The following ABCC12 variants were observed in gnomAD, a reference collection of about 807,000 sequenced individuals.
The protein encoded by ABCC12 is ATP binding cassette subfamily C member 12.
Under a neutral mutation model 151.1 loss-of-function variants are expected in ABCC12, and 142 were observed. The observed-to-expected ratio is 0.94, with a 90% confidence interval of 0.82 to 1.08. The LOEUF (loss-of-function observed/expected upper bound fraction) is 1.08. Among genes scored for constraint, ABCC12 ranks in the 50% least tolerant of loss-of-function variants. The pLI is 0.00. For synonymous variants in ABCC12, 645 were observed against 646.4 expected (o/e 1.00, Z 0.03); for missense variants, 1,638 against 1,691.1 (o/e 0.97, Z 0.55).
At chr16:48,140,614 G>T in intron 6 of ABCC12, 73 bp downstream of exon 6, 1 of 1,407,790 alleles carries the variant, frequency 7.1e-7, no homozygotes, top group Non-Finnish European at 9.9e-7. Flanking sequence ...CTCCACTCAG[G>T]ATCCACATCT....
rs778503725 is a variant in ABCC12 at position 48,086,825 on chromosome 16, A to G, written c.3636-6T>C. Reference sequence around the variant, plus strand: ...CAAAGGGATCCAAGTTGTACCTGCAATGAAGGAGAGGAGAGGACAGGGAGC... The same window carrying G: ...CAAAGGGATCCAAGTTGTACCTGCAGTGAAGGAGAGGAGAGGACAGGGAGC... On this transcript the variant is annotated splice_polypyrimidine_tract_variant and splice_region_variant and intron_variant, in intron 27 of 30. Transcript: ENST00000311303. The G allele has an allele frequency of 2.5e-5, 40 of 1,611,484 alleles. No individual in the cohort carries two copies. In the East Asian group the frequency reaches 5.6e-4, roughly 22 times the overall value.
chr16:48,099,148 C>A (rs763184994), intron 23 of ABCC12, among the ~76,000 whole-genome samples: 8 of 152,114 alleles, frequency 5.3e-5, no homozygotes, highest in Non-Finnish European at 8.8e-5. Context: ...AGGCTGGTTG[C>A]AGTGGCTCAC....
chr16:48,093,963 T>C (rs189201228), intron 24 of ABCC12, among the ~76,000 whole-genome samples: 1 of 152,310 alleles, frequency 6.6e-6, no homozygotes, highest in Admixed American at 6.5e-5. Flanking sequence ...TTCTGTGTTC[T>C]CCAAAGGGGG....
At chr16:48,088,237 G>T in intron 26 of ABCC12, 152 bp from the exon 27 acceptor site, 1 of 961,380 alleles carries the variant, frequency 1.0e-6, no homozygotes, top group Non-Finnish European at 1.5e-6. Flanking sequence ...GGGTGGGGGT[G>T]GAGGGATGGG....
At chr16:48,146,245 C>T in intron 3 of ABCC12, 61 bp downstream of exon 3, 1 of 1,504,204 alleles carries the variant, frequency 6.6e-7, no homozygotes, top group Middle Eastern at 1.7e-4. Context: ...TGCCCACTCT[C>T]CTGATGGACA....
chr16:48,138,245 A>G lies in ABCC12; in HGVS notation c.962T>C (p.Phe321Ser). ...TGTCCTACCTTGGATAGTGTTGGTA[A>G]AAGATTTCTCCCAGGCATACATTTT... Reference protein sequence around the residue: ...LIKMYAWEKSFTNTIQDIRRR... With the variant: ...LIKMYAWEKSSTNTIQDIRRR... Residue 321 changes from phenylalanine (F) to serine (S), a missense_variant, in exon 8 of 31, where the codon TTT becomes TCT. By Grantham distance (155) the Phe-to-Ser change is radical. Coordinates refer to ENST00000311303, the MANE Select transcript of ABCC12 (RefSeq NM_001393797.1). 1 of 1,610,068 alleles carries G rather than the reference A, an allele frequency of 6.2e-7. No individual in the cohort carries two copies. The highest frequency in any genetic ancestry group is 8.5e-7 in the Non-Finnish European group (1 of 1,176,774).
At chr16:48,146,256 T>C (rs1184028989) in intron 3 of ABCC12, 50 bp downstream of exon 3, 2 of 1,550,980 alleles carry the variant, frequency 1.3e-6, no homozygotes, top group African/African-American at 2.7e-5. Flanking sequence ...CTGATGGACA[T>C]TCCTGGAGGT....
chr16:48,133,925 CAG>C, intron 8 of ABCC12, 90 bp from the exon 9 acceptor site: 2 of 1,472,748 alleles, frequency 1.4e-6, no homozygotes, highest in Non-Finnish European at 1.9e-6. Context: ...GGTCCTCTTC[CAG>C]ATGGGCGCTC....
chr16:48,122,700 CA>C (rs1426734474), intron 12 of ABCC12, among the ~76,000 whole-genome samples: 1 of 152,118 alleles, frequency 6.6e-6, no homozygotes, highest in Non-Finnish European at 1.5e-5. Context: ...GTGCAATGGA[CA>C]GAGAATTCAA....
At chr16:48,133,605 G>A in intron 9 of ABCC12, 82 bp downstream of exon 9, 2 of 1,512,408 alleles carry the variant, frequency 1.3e-6, no homozygotes, top group Non-Finnish European at 1.8e-6. Context: ...TGCCAGTATT[G>A]AGCGACGGTA....
intron 2 of ABCC12, among the ~76,000 whole-genome samples, chr16:48,152,448 G>A (rs983584325): frequency 6.6e-6 from 1 of 152,184 alleles, no homozygotes; most frequent in Non-Finnish European, 1.5e-5. Context: ...GTCAAGCTGT[G>A]GTCCATGATC....
intron 22 of ABCC12, among the ~76,000 whole-genome samples, chr16:48,103,267 G>A (rs1290147285): frequency 6.6e-6 from 1 of 152,094 alleles, no homozygotes. Flanking sequence ...TTCAGGGTTT[G>A]TGGGCTAAAT....
At chr16:48,117,374 C>G in intron 13 of ABCC12, 41 bp from the exon 14 acceptor site, 1 of 1,603,684 alleles carries the variant, frequency 6.2e-7, no homozygotes, top group South Asian at 1.1e-5. Context: ...TGAGAAAGAC[C>G]CCAAGCACTG....
At chr16:48,107,199 G>A in intron 20 of ABCC12, 123 bp downstream of exon 20, 1 of 921,418 alleles carries the variant, frequency 1.1e-6, no homozygotes, top group South Asian at 1.5e-5. Context: ...CCCACTTCTT[G>A]AAAAGGGCAG....
At chr16:48,128,338 G>T (rs1964307069) in intron 11 of ABCC12, 121 bp downstream of exon 11, 1 of 1,412,788 alleles carries the variant, frequency 7.1e-7, no homozygotes, top group South Asian at 1.4e-5. Flanking sequence ...CAGGGACTCT[G>T]GTTAGAGACA....
intron 23 of ABCC12, 136 bp downstream of exon 23, chr16:48,100,736 G>C: frequency 9.2e-7 from 1 of 1,089,642 alleles, no homozygotes. Context: ...GTGTCTTCAA[G>C]GACTCCTCCT....
chr16:48,143,334 T>C (rs1964884335), intron 4 of ABCC12, among the ~76,000 whole-genome samples: 1 of 152,182 alleles, frequency 6.6e-6, no homozygotes, highest in African/African-American at 2.4e-5. Context: ...TCCCCGCTAA[T>C]GCTGCCTAAT....
chr16:48,128,416 A>C (rs997273207), intron 11 of ABCC12, 43 bp downstream of exon 11: 1 of 1,602,550 alleles, frequency 6.2e-7, no homozygotes, highest in Non-Finnish European at 8.5e-7. Flanking sequence ...TATGTAATGC[A>C]AGGAGGAGGG....
chr16:48,108,677 A>G, intron 18 of ABCC12, 148 bp from the exon 19 acceptor site: 1 of 629,382 alleles, frequency 1.6e-6, no homozygotes, highest in Admixed American at 3.0e-5. Flanking sequence ...ATGCACTTCC[A>G]ACACACTTTT....
Sources: gnomAD v4.1 joint callset for allele counts (sites outside exome capture counted in the v4.1 genomes callset) on GRCh38, gnomAD v4.1.1 for gene constraint, MANE v1.5 for transcripts, NCBI Gene and HGNC (gene_info 2026-07-23, HGNC 2026-07-21) for gene names.